Variants in MTSS2 observed in about 807,000 individuals in gnomAD.
The protein encoded by MTSS2 is MTSS I-BAR domain containing 2.
MTSS2 carries 27 observed loss-of-function variants against 67.1 expected under a neutral mutation model. The observed-to-expected ratio is 0.40, with a 90% CI of 0.30 to 0.55. The LOEUF (loss-of-function observed/expected upper bound fraction) is 0.55. Ranked by LOEUF, MTSS2 falls within the 20% of genes least tolerant of loss-of-function variation. MTSS2 has a pLI of 0.43. For synonymous variants in MTSS2, 624 were observed against 468.6 expected, an observed-to-expected ratio of 1.33 and a Z score of -4.28; for missense variants, 1,171 against 1,067.8, an observed-to-expected ratio of 1.10 and a Z score of -1.35.
chr16:70,676,845 G>A (rs200970180), intron 10 of MTSS2, 36 bp downstream of exon 10: 52 of 1,576,756 alleles, frequency 3.3e-5, no homozygotes, highest in Admixed American at 6.7e-5. Flanking sequence ...TTGGGATACC[G>A]CCCCCCACAC....
intron 10 of MTSS2, among the ~76,000 whole-genome samples, chr16:70,675,448 C>G (rs1424914250): frequency 6.6e-6 from 1 of 152,138 alleles, no homozygotes; most frequent in Admixed American, 6.5e-5. Context: ...CCCAAAAAAC[C>G]CACCAAAAAA....
chr16:70,671,036 G>C (rs1361587388), intron 11 of MTSS2, among the ~76,000 whole-genome samples: 1 of 148,816 alleles, frequency 6.7e-6, no homozygotes, highest in Non-Finnish European at 1.5e-5. Flanking sequence ...TGGGTGTGTA[G>C]TGACTTAACA....
At chr16:70,685,109 C>G (rs1054321056) in intron 1 of MTSS2, among the ~76,000 whole-genome samples, 3 of 151,942 alleles carry the variant, frequency 2.0e-5, no homozygotes, top group Non-Finnish European at 4.4e-5. Context: ...ACCTTCATCC[C>G]GCCTCCTCCC....
intron 11 of MTSS2, among the ~76,000 whole-genome samples, chr16:70,666,241 G>T (rs966824266): frequency 5.3e-5 from 8 of 152,146 alleles, no homozygotes; most frequent in African/African-American, 1.9e-4. Context: ...ATCGGCTTGG[G>T]GCACAGGGTG....
chr16:70,681,100 C>A (rs1358462598), intron 1 of MTSS2, 75 bp from the exon 2 acceptor site: 2 of 1,388,238 alleles, frequency 1.4e-6, no homozygotes, highest in Non-Finnish European at 9.8e-7. Context: ...GGGCTCCCTG[C>A]ATGCTCCATC....
Position 70,681,021 on chromosome 16 carries a change from G to C in MTSS2, c.74C>G (p.Ser25Cys). 6.2e-7 allele frequency: 1 copy of C among 1,609,380 alleles called. No homozygotes were observed. Among genetic ancestry groups the C allele is most frequent in the Non-Finnish European group, 8.5e-7 (1 of 1,178,390 alleles). ...GTTGAAGTCCTCCCAGATAGGGTAG[G>C]AGCTCTGCCGGGCAAATGGGAGAGA... ...FQAIVNDMKSSYPIWEDFNSK... is the reference protein window; with the variant it reads ...FQAIVNDMKSCYPIWEDFNSK... Residue 25 changes from serine (S) to cysteine (C), a missense_variant, in exon 2 of 15, where the codon TCC becomes TGC. Coordinates refer to ENST00000338779, the MANE Select transcript of MTSS2 (RefSeq NM_138383.3).
intron 10 of MTSS2, among the ~76,000 whole-genome samples, chr16:70,676,126 T>C (rs1567499814): frequency 1.3e-5 from 2 of 152,100 alleles, no homozygotes; most frequent in Non-Finnish European, 2.9e-5. Context: ...GGGAGAGGGG[T>C]GCCTGGCAAA....
Position 70,663,973 on chromosome 16 carries a change from G to C in MTSS2, c.1948C>G (p.Pro650Ala), listed in dbSNP as rs1257915390. The C allele has an allele frequency of 1.3e-6, 2 of 1,577,700 alleles. No individual in the cohort carries two copies. The highest frequency in any genetic ancestry group is 2.3e-5 in the South Asian group (2 of 86,856). The change falls in exon 15 of 15, where the codon CCA becomes GCA. Residue 650 changes from proline to alanine, a missense_variant. By Grantham distance (27) the Pro-to-Ala change is conservative (BLOSUM62 -1). This residue lies in a region of MTSS2 where 924 missense variants were observed against 756.0 expected (regional missense o/e 1.22). Coordinates refer to ENST00000338779, the MANE Select transcript of MTSS2 (RefSeq NM_138383.3). ...LPNTAWGSPSPEAAGYPGAGA... is the reference protein window; with the variant it reads ...LPNTAWGSPSAEAAGYPGAGA... ...GCCCCGGGGTACCCGGCTGCCTCTG[G>C]GGATGGGCTGCCCCAGGCTGTGTTG...
intron 8 of MTSS2, 87 bp from the exon 9 acceptor site, chr16:70,677,986 G>A (rs921429897): frequency 3.4e-5 from 40 of 1,176,898 alleles, no homozygotes; most frequent in East Asian, 1.0e-4. Context: ...AGCCCTTGTC[G>A]GGCCTCTCCT....
intron 3 of MTSS2, among the ~76,000 whole-genome samples, 190 bp from the exon 4 acceptor site, chr16:70,680,245 T>C (rs981835326): frequency 3.3e-5 from 5 of 151,876 alleles, no homozygotes; most frequent in Non-Finnish European, 2.9e-5. Flanking sequence ...TCCTCCGCCA[T>C]CCCAGCCGCG....
intron 9 of MTSS2, 52 bp downstream of exon 9, chr16:70,677,740 C>T (rs563236648): frequency 3.6e-6 from 5 of 1,407,934 alleles, no homozygotes; most frequent in East Asian, 2.4e-5. Context: ...CCTAGGGCAG[C>T]CCATCTCCTC....
rs2052521124 is a variant in MTSS2 at position 70,662,462 on chromosome 16, TCC to T, written c.*1213_*1214del. 1 of 152,302 alleles carries T rather than the reference TCC, an allele frequency of 6.6e-6. No homozygotes were observed. The highest frequency in any genetic ancestry group is 2.4e-5 in the African/African-American group (1 of 41,440). The allele number at this position is 152,302 out of a possible 1,614,324, so 9.4% of individuals were successfully genotyped here. ...GGGGCCGTGCTGGGATGGCATCTCC[TCC>T]GGCAACAGAGAGTCAAAGCCAATCT... On this transcript the variant is annotated 3_prime_UTR_variant, in exon 15 of 15. Transcript: ENST00000338779.
At position 70,664,919 on chromosome 16, in the gene MTSS2, C is replaced by A; in HGVS notation, c.1305+1G>T. On this transcript the variant is annotated splice_donor_variant, in intron 13 of 14. Transcript: ENST00000338779. LOFTEE classifies it high-confidence loss of function. ...GTGAAGGGGGGCCCTGGCCAGCCTA[C>A]CTTGGCTGCGATGGTGGCAGGGGAC... 1 of 1,543,966 alleles carries A rather than the reference C, an allele frequency of 6.5e-7. No homozygotes were observed. Among genetic ancestry groups the A allele is most frequent in the Non-Finnish European group, 8.7e-7 (1 of 1,149,988 alleles).
intron 11 of MTSS2, among the ~76,000 whole-genome samples, chr16:70,666,724 A>C (rs942740847): frequency 6.6e-6 from 1 of 152,226 alleles, no homozygotes; most frequent in African/African-American, 2.4e-5. Flanking sequence ...CGGTTAAAGT[A>C]AAAAAACTCA....
rs371271582 is a variant in MTSS2 at position 70,664,459 on chromosome 16, C to T, written c.1472-10G>A. On this transcript the variant is annotated splice_polypyrimidine_tract_variant and intron_variant, in intron 14 of 14. Coordinates refer to ENST00000338779, the MANE Select transcript of MTSS2 (RefSeq NM_138383.3). ...CAGTCGTAGTCGGAGCCTGGGGGCA[C>T]GGGACACAGTGAGGCCCAGGGCCCA... is the stretch of plus-strand genomic sequence containing the variant. 62 of 1,536,530 alleles carry T rather than the reference C, an allele frequency of 4.0e-5. No homozygotes were observed. Among genetic ancestry groups the T allele is most frequent in the Middle Eastern group, 1.8e-4 (1 of 5,658 alleles).
intron 11 of MTSS2, among the ~76,000 whole-genome samples, chr16:70,669,843 T>C (rs2052864504): frequency 6.7e-6 from 1 of 149,110 alleles, no homozygotes; most frequent in Admixed American, 6.7e-5. Context: ...GAAAAGGTGT[T>C]CAATCTCATT....
In MTSS2 at chr16:70,661,672, G is replaced by A; in HGVS notation, c.*2005C>T. ...TGGTCTCAGGGATGGACAAGGGGAT[G>A]GAGTAGAGTATGTACAGCCCCCGGG... On this transcript the variant is annotated 3_prime_UTR_variant, in exon 15 of 15. Coordinates refer to ENST00000338779, the MANE Select transcript of MTSS2 (RefSeq NM_138383.3). 3.0e-6 allele frequency: 1 copy of A among 328,194 alleles called. No individual in the cohort carries two copies. Among genetic ancestry groups the A allele is most frequent in the Non-Finnish European group, 5.9e-6 (1 of 169,422 alleles). 20.3% of individuals were successfully genotyped at this position (328,194 alleles called of 1,614,324 possible).
intron 11 of MTSS2, among the ~76,000 whole-genome samples, chr16:70,667,883 C>A (rs1315630829): frequency 2.0e-5 from 3 of 151,122 alleles, no homozygotes; most frequent in African/African-American, 2.4e-5. Context: ...AGAAAAAAAA[C>A]CAAAAAACCA....
chr16:70,665,077 G>A lies in MTSS2; in HGVS notation c.1148C>T (p.Ser383Phe). The A allele has an allele frequency of 6.3e-7, 1 of 1,597,390 alleles. No homozygotes were observed. Among genetic ancestry groups the A allele is most frequent in the Non-Finnish European group, 8.5e-7 (1 of 1,179,546 alleles). Residue 383 changes from serine (S) to phenylalanine (F), a missense_variant, in exon 13 of 15, where the codon TCC (serine) becomes TTC (phenylalanine). Coordinates refer to ENST00000338779, the MANE Select transcript of MTSS2 (RefSeq NM_138383.3). ...AGTGGCGCCTGAGGGCTGCTCATGGGAGCCGACCTTGGACCAGTCCTGCAG... is the reference window on the plus strand; with the variant it reads ...AGTGGCGCCTGAGGGCTGCTCATGGAAGCCGACCTTGGACCAGTCCTGCAG... The part of the protein sequence containing the change: ...SPTSDWSKVG[S>F]HEQPSGATLQ...
Sources: gnomAD v4.1 joint callset for allele counts (sites outside exome capture counted in the v4.1 genomes callset) on GRCh38, gnomAD v4.1.1 for gene constraint, gnomAD v4.1.1 regional missense constraint, MANE v1.5 for transcripts, NCBI Gene and HGNC (gene_info 2026-07-23, HGNC 2026-07-21) for gene names.